FAT4: variants seen among roughly 807,000 people sequenced by gnomAD.
FAT4 encodes protocadherin Fat 4.
Under a neutral mutation model 303.9 loss-of-function variants are expected in FAT4, and 84 were observed. The observed-to-expected ratio is 0.28, with a 90% CI of 0.23 to 0.33. The LOEUF (loss-of-function observed/expected upper bound fraction) is 0.33, where lower values mean the gene tolerates loss of function less well. Ranked by LOEUF, FAT4 falls within the 10% of genes least tolerant of loss-of-function variation. The probability of loss-of-function intolerance (pLI) is 1.00; values close to 1 mark genes in which losing one functional copy is unlikely to be tolerated. For synonymous variants in FAT4, 2,307 were observed against 2,298.8 expected (o/e 1.00, Z -0.10); for missense variants, 6,005 against 6,146.8 (o/e 0.98, Z 0.77).
rs17009761 is a variant in FAT4, at chr4:125,476,166, C to T, written c.12214-5C>T. 609,624 of 1,566,870 alleles carry T rather than the reference C, an allele frequency of 0.39. 120,529 individuals are homozygous for T. Among genetic ancestry groups the T allele is most frequent in the Non-Finnish European group, 0.4 (457,072 of 1,144,496 alleles). On this transcript the variant is annotated splice_polypyrimidine_tract_variant and splice_region_variant and intron_variant, in intron 12 of 17. Coordinates refer to ENST00000394329, the MANE Select transcript of FAT4 (RefSeq NM_001291303.3). Reference sequence around the variant, plus strand: ...AGTTGAATGTTTCTTTCTCTTGCTTCGTAGGCAGCCTCCTTAACTGTGGAC... The same window carrying T: ...AGTTGAATGTTTCTTTCTCTTGCTTTGTAGGCAGCCTCCTTAACTGTGGAC...
At position 125,492,243 on chromosome 4, in the gene FAT4, A is replaced by C. The variant is rs984385260; in HGVS notation, c.*475A>C. ...GTGGAATGAAAGATTAAGTATATTA[A>C]CACTTTTCAGAATGATAGTTTCTGT... On this transcript the variant is annotated 3_prime_UTR_variant, in exon 18 of 18. Transcript: ENST00000394329. 13 of 155,392 alleles carry C rather than the reference A, an allele frequency of 8.4e-5. No homozygotes were observed. The highest frequency in any genetic ancestry group is 1.6e-4 in the Non-Finnish European group (11 of 70,034). The allele number at this position is 155,392 out of a possible 1,614,324, so 9.6% of individuals were successfully genotyped here.
At chr4:125,367,145 TA>T (rs1270414824) in intron 2 of FAT4, among the ~76,000 whole-genome samples, 3 of 152,118 alleles carry the variant, frequency 2.0e-5, no homozygotes, top group African/African-American at 4.8e-5. Flanking sequence ...CTTTTAATTT[TA>T]GCATCGCAAA....
chr4:125,479,301 C>T (rs1027800329), intron 14 of FAT4, among the ~76,000 whole-genome samples: 1 of 152,026 alleles, frequency 6.6e-6, no homozygotes, highest in Admixed American at 6.6e-5. Flanking sequence ...CCTCAGTACA[C>T]GGTTATTTTT....
intron 8 of FAT4, among the ~76,000 whole-genome samples, chr4:125,440,089 T>C (rs1473376443): frequency 2.0e-5 from 3 of 152,154 alleles, no homozygotes; most frequent in Non-Finnish European, 4.4e-5. Context: ...TCTTCTCATA[T>C]CATCTTTTTT....
chr4:125,387,602 AG>A (rs1486800536), intron 2 of FAT4, among the ~76,000 whole-genome samples: 1 of 152,120 alleles, frequency 6.6e-6, no homozygotes, highest in Non-Finnish European at 1.5e-5. Flanking sequence ...GGATTGTTGG[AG>A]GGGGAGGAAG....
chr4:125,455,426 A>G (rs1726244254), intron 10 of FAT4, among the ~76,000 whole-genome samples: 1 of 152,212 alleles, frequency 6.6e-6, no homozygotes, highest in Non-Finnish European at 1.5e-5. Context: ...CTTACATCAT[A>G]AAATATTAAT....
chr4:125,449,678 G>A lies in FAT4; in HGVS notation c.8668G>A (p.Gly2890Ser), dbSNP rs377468892. Residue 2890 changes from glycine to serine, a missense_variant, in exon 10 of 18, where the codon GGC becomes AGC. By Grantham distance (56) the Gly-to-Ser change is moderately conservative (BLOSUM62 0). Transcript: ENST00000394329. The part of the protein sequence containing the change: ...YLDCPELTEI[G>S]SKVTQVFATD... Reference sequence around the variant, plus strand: ...AGATTGCCCTGAACTTACTGAGATTGGCTCCAAAGTAACTCAGGTATTTGC... The same window carrying A: ...AGATTGCCCTGAACTTACTGAGATTAGCTCCAAAGTAACTCAGGTATTTGC... 1.9e-6 allele frequency: 3 copies of A among 1,613,766 alleles called. No homozygotes were observed. Among genetic ancestry groups the A allele is most frequent in the Non-Finnish European group, 2.5e-6 (3 of 1,179,922 alleles).
rs1292877718 is a variant in FAT4 at position 125,318,910 on chromosome 4, G to A, written c.2499G>A (p.Gly833=). 1.2e-6 allele frequency: 2 copies of A among 1,614,008 alleles called. No homozygotes were observed. Among genetic ancestry groups the A allele is most frequent in the East Asian group, 2.2e-5 (1 of 44,890 alleles). Residue 833 remains glycine (G), a synonymous_variant, in exon 2 of 18, where the codon GGG becomes GGA. Transcript: ENST00000394329. ...NSNISYLITT[G]DQKGMFAINQ... ...ACATCAGTTATCTCATTACTACTGG[G>A]GATCAGAAAGGTATGTTTGCTATCA...
chr4:125,471,164 C>T (rs1428369211), intron 12 of FAT4, among the ~76,000 whole-genome samples: 2 of 152,196 alleles, frequency 1.3e-5, no homozygotes, highest in South Asian at 2.1e-4. Flanking sequence ...GTATATGGCA[C>T]GGTTCATGTT....
At chr4:125,467,562 T>C (rs888102115) in intron 11 of FAT4, among the ~76,000 whole-genome samples, 3 of 152,108 alleles carry the variant, frequency 2.0e-5, no homozygotes, top group African/African-American at 7.2e-5. Context: ...CACAAACAAA[T>C]GGGAATGCTG....
rs558346214 is a variant in FAT4, at chr4:125,366,507, T to TGGGTATTTGGGTTGATTCC, written c.5176-32276_5176-32258dup. Among the ~76,000 whole-genome samples, 427 of 152,288 alleles carry TGGGTATTTGGGTTGATTCC rather than the reference T, an allele frequency of 2.8e-3. 1 individual carries two copies. Among genetic ancestry groups the TGGGTATTTGGGTTGATTCC allele is most frequent in the African/African-American group, 9.1e-3 (379 of 41,556 alleles). The stretch of plus-strand genomic sequence containing the variant: ...TATTTTTAATCTGGTCTACCATTGA[T>TGGGTATTTGGGTTGATTCC]GGGTATTTGGGTTGATTCCACGTCT... On this transcript the variant is annotated intron_variant, in intron 2 of 17. Transcript: ENST00000394329.
intron 14 of FAT4, among the ~76,000 whole-genome samples, chr4:125,479,046 A>G (rs1049567863): frequency 6.6e-6 from 1 of 152,146 alleles, no homozygotes; most frequent in African/African-American, 2.4e-5. Flanking sequence ...TTTCTCAAAC[A>G]TGGCAGTACG....
chr4:125,408,543 T>C lies in FAT4; in HGVS notation c.5669T>C (p.Phe1890Ser). The change falls in exon 5 of 18, where the codon TTC (phenylalanine) becomes TCC (serine). Residue 1890 changes from phenylalanine to serine, a missense_variant. Coordinates refer to ENST00000394329, the MANE Select transcript of FAT4 (RefSeq NM_001291303.3). ...GAAGATGATGAAGATGGCATCTTTT[T>C]CCTGAATCCTATTACTGGGGTCTTT... Reference protein sequence around the residue: ...VNEDDEDGIFFLNPITGVFNL... With the variant: ...VNEDDEDGIFSLNPITGVFNL... The C allele has an allele frequency of 6.2e-7, 1 of 1,613,156 alleles. No homozygotes were observed. Among genetic ancestry groups the C allele is most frequent in the South Asian group, 1.1e-5 (1 of 91,052 alleles).
chr4:125,387,802 C>A (rs1733812586), intron 2 of FAT4, among the ~76,000 whole-genome samples: 1 of 152,118 alleles, frequency 6.6e-6, no homozygotes, highest in African/African-American at 2.4e-5. Flanking sequence ...CATGTTAGAC[C>A]AGTAATTATT....
At chr4:125,393,250 G>A (rs140503344) in intron 2 of FAT4, among the ~76,000 whole-genome samples, 86 of 152,146 alleles carry the variant, frequency 5.7e-4, no homozygotes, top group Non-Finnish European at 9.6e-4. Context: ...AAGCTGCAGA[G>A]AGGATATGCA....
In FAT4 at chr4:125,415,182, A is replaced by G. The variant is rs35355603; in HGVS notation, c.6219A>G (p.Gln2073=). The change falls in exon 6 of 18, where the codon CAA becomes CAG. Residue 2073 remains glutamine, a synonymous_variant. Coordinates refer to ENST00000394329, the MANE Select transcript of FAT4 (RefSeq NM_001291303.3). Reference sequence around the variant, plus strand: ...TTGATACTGTTGTTTTCAAAGCTCAAGCAACTGACCCAGATAGTGGCCCAA... The same window carrying G: ...TTGATACTGTTGTTTTCAAAGCTCAGGCAACTGACCCAGATAGTGGCCCAA... ...TPIDTVVFKA[Q]ATDPDSGPNS... 7.5e-3 allele frequency: 12,170 copies of G among 1,614,086 alleles called. 59 individuals carry two copies. Among genetic ancestry groups the G allele is most frequent in the Non-Finnish European group, 9.2e-3 (10,823 of 1,179,970 alleles).
rs751283227 is a variant in FAT4 at position 125,451,549 on chromosome 4, T to G, written c.10539T>G (p.Thr3513=). Reference sequence around the variant, plus strand: ...TAAATGATAACGGGCCCATGCTGACTGTCAGTGAAGGAGAAGTCATGGAAA... The same window carrying G: ...TAAATGATAACGGGCCCATGCTGACGGTCAGTGAAGGAGAAGTCATGGAAA... The part of the protein sequence containing the change: ...EDINDNGPML[T]VSEGEVMENK... The change falls in exon 10 of 18, where the codon ACT becomes ACG. Residue 3513 remains threonine, a synonymous_variant. Transcript: ENST00000394329. 6.2e-7 allele frequency: 1 copy of G among 1,614,178 alleles called. No homozygotes were observed.
intron 2 of FAT4, among the ~76,000 whole-genome samples, chr4:125,330,009 C>T (rs1000355732): frequency 6.6e-6 from 1 of 152,146 alleles, no homozygotes; most frequent in East Asian, 1.9e-4. Flanking sequence ...TCATTCTTCC[C>T]TTGGATTATT....
intron 4 of FAT4, 58 bp from the exon 5 acceptor site, chr4:125,408,386 C>T: frequency 1.8e-6 from 2 of 1,137,688 alleles, no homozygotes; most frequent in Non-Finnish European, 2.5e-6. Context: ...TCTATATGTT[C>T]TCTTAGTAAT....
Sources: allele counts gnomAD v4.1 joint callset (sites outside exome capture counted in the v4.1 genomes callset), GRCh38; gene constraint gnomAD v4.1.1; transcripts MANE v1.5; gene names NCBI Gene and HGNC (gene_info 2026-07-23, HGNC 2026-07-21).